NEUROD1: variants seen among roughly 807,000 people sequenced by gnomAD.
NEUROD1 encodes neuronal differentiation 1.
In NEUROD1, 9 loss-of-function variants were observed where a neutral mutation model predicts 21.8. The observed-to-expected ratio is 0.41, with a 90% CI of 0.25 to 0.72. The LOEUF is 0.72. NEUROD1 is among the 30% of genes least tolerant of loss of function. The pLI, the probability that NEUROD1 is intolerant of heterozygous loss-of-function variation, is 0.31. For missense variants in NEUROD1, 434 were observed against 468.8 expected (o/e 0.93, Z 0.69); for synonymous variants, 199 against 186.2 (o/e 1.07, Z -0.56).
downstream of NEUROD1, among the ~76,000 whole-genome samples, chr2:181,674,869 T>A (rs1330759147): frequency 6.6e-6 from 1 of 152,178 alleles, no homozygotes; most frequent in Non-Finnish European, 1.5e-5. Context: ...ACAGTCTAGA[T>A]TTCCCTGTTT....
In NEUROD1 at chr2:181,676,970, T is replaced by C. The variant is rs1688587130; in HGVS notation, c.*820A>G. 6.6e-6 allele frequency: 1 copy of C among 152,520 alleles called. No homozygotes were observed. The highest frequency in any genetic ancestry group is 1.5e-5 in the Non-Finnish European group (1 of 67,982). 9.4% of individuals were successfully genotyped at this position (152,520 alleles called of 1,614,324 possible). On this transcript the variant is annotated 3_prime_UTR_variant, in exon 2 of 2. Coordinates refer to ENST00000295108, the MANE Select transcript of NEUROD1 (RefSeq NM_002500.5). ...TATTTATAATATGTATATACAAGCT[T>C]GTGCAAGTAATGTGTTGAATTGATA...
At chr2:181,679,691 G>T (rs1456188664) in intron 1 of NEUROD1, among the ~76,000 whole-genome samples, 1 of 152,216 alleles carries the variant, frequency 6.6e-6, no homozygotes. Flanking sequence ...AGGGCCGCCC[G>T]CTCTTTATTG....
At chr2:181,674,234 T>C (rs1007335276), downstream of NEUROD1, among the ~76,000 whole-genome samples, 19 of 152,174 alleles carry the variant, frequency 1.2e-4, no homozygotes, top group African/African-American at 4.6e-4. Context: ...AAGCATCTTA[T>C]TTGATAGGAA....
At chr2:181,670,512 A>G (rs953952464) in exon 2 of NEUROD1, among the ~76,000 whole-genome samples, 10 of 152,182 alleles carry the variant, frequency 6.6e-5, no homozygotes, top group African/African-American at 2.2e-4. Context: ...TTCATTAGAG[A>G]TTTTAGTATA....
downstream of NEUROD1, among the ~76,000 whole-genome samples, chr2:181,675,807 T>C (rs536558660): frequency 6.6e-6 from 1 of 152,292 alleles, no homozygotes; most frequent in East Asian, 1.9e-4. Flanking sequence ...TGTTCTTCAG[T>C]ACAAATAATC....
rs1188165118 is a variant in NEUROD1, at chr2:181,676,854, A to G, written c.*936T>C. On this transcript the variant is annotated 3_prime_UTR_variant, in exon 2 of 2. Transcript: ENST00000295108. ...CTTCAGATTCTCTGTAAAATCATGG[A>G]ATGCAAAGGAGTAAAAGACTAAAAA... is the stretch of plus-strand genomic sequence containing the variant. 1.3e-5 allele frequency: 2 copies of G among 152,590 alleles called. No homozygotes were observed. The highest frequency in any genetic ancestry group is 2.9e-5 in the Non-Finnish European group (2 of 68,000). 9.5% of individuals were successfully genotyped at this position (152,590 alleles called of 1,614,324 possible).
chr2:181,676,037 T>C (rs1036334117), downstream of NEUROD1, among the ~76,000 whole-genome samples: 1 of 152,198 alleles, frequency 6.6e-6, no homozygotes, highest in African/African-American at 2.4e-5. Context: ...AAAATAGTAA[T>C]GTTTTATACA....
chr2:181,671,337 T>A (rs1688495370), exon 2 of NEUROD1, among the ~76,000 whole-genome samples: 1 of 152,162 alleles, frequency 6.6e-6, no homozygotes, highest in Admixed American at 6.6e-5. Flanking sequence ...TTAGTTATAA[T>A]TTATATCCAT....
downstream of NEUROD1, among the ~76,000 whole-genome samples, chr2:181,675,203 A>C (rs1232589409): frequency 1.3e-5 from 2 of 152,244 alleles, no homozygotes; most frequent in Non-Finnish European, 2.9e-5. Flanking sequence ...TAAAGTTGGG[A>C]CTAACTTAAA....
chr2:181,678,187 C>T lies in NEUROD1; in HGVS notation c.674G>A (p.Gly225Glu). 1.2e-6 allele frequency: 2 copies of T among 1,614,038 alleles called. No homozygotes were observed. Among genetic ancestry groups the T allele is most frequent in the Non-Finnish European group, 1.7e-6 (2 of 1,180,002 alleles). The stretch of plus-strand genomic sequence containing the variant: ...GGTACCGTAAGGCGGACTGGGCAGC[C>T]CAGGCGACTGGTAGGAGTAGGGGTG... Reference protein sequence around the residue: ...PVHPYSYQSPGLPSPPYGTMD... With the variant: ...PVHPYSYQSPELPSPPYGTMD... Residue 225 changes from glycine to glutamate, a missense_variant, in exon 2 of 2, where the codon GGG (glycine) becomes GAG (glutamate). Transcript: ENST00000295108. The surrounding 1 kb of genome is among the most constrained non-coding windows in gnomAD (Gnocchi z 5.5).
chr2:181,668,396 T>G (rs1297522301), downstream of NEUROD1, among the ~76,000 whole-genome samples: 1 of 152,130 alleles, frequency 6.6e-6, no homozygotes, highest in Non-Finnish European at 1.5e-5. Flanking sequence ...CAGAATAATT[T>G]TCCAGCCAGA....
chr2:181,676,399 C>T (rs960632003), downstream of NEUROD1: 5 of 152,456 alleles, frequency 3.3e-5, no homozygotes. Context: ...TTTAACTCAG[C>T]AAAAAAGCAA....
downstream of NEUROD1, among the ~76,000 whole-genome samples, chr2:181,668,550 G>A (rs1012974955): frequency 5.3e-5 from 8 of 152,072 alleles, 1 homozygote; most frequent in South Asian, 4.1e-4. Context: ...CTACAAGTTC[G>A]TTAGGTATTT....
chr2:181,678,179 T>G lies in NEUROD1; in HGVS notation c.682A>C (p.Ser228Arg), dbSNP rs1233860238. The G allele has an allele frequency of 6.2e-7, 1 of 1,613,992 alleles. No homozygotes were observed. ...CTGTCCATGGTACCGTAAGGCGGAC[T>G]GGGCAGCCCAGGCGACTGGTAGGAG... ...PYSYQSPGLP[S>R]PPYGTMDSSH... Residue 228 changes from serine to arginine, a missense_variant, in exon 2 of 2, where the codon AGT (serine) becomes CGT (arginine). Ser to Arg is a moderately radical substitution (Grantham distance 110, BLOSUM62 -1). Coordinates refer to ENST00000295108, the MANE Select transcript of NEUROD1 (RefSeq NM_002500.5). This position sits in a 1 kb window ranked among gnomAD's most constrained non-coding sequence, Gnocchi z 5.5.
exon 2 of NEUROD1, among the ~76,000 whole-genome samples, chr2:181,671,306 G>A (rs1688495021): frequency 6.6e-6 from 1 of 152,034 alleles, no homozygotes; most frequent in Non-Finnish European, 1.5e-5. Flanking sequence ...GAAATATTGT[G>A]ATAAATATCA....
rs764837612 is a variant in NEUROD1 at position 181,678,250 on chromosome 2, G to A, written c.611C>T (p.Pro204Leu). ...TFLPEQNQDM[P>L]PHLPTASASF... ...AGCGCTGGCCGTCGGCAGGTGGGGG[G>A]GCATGTCCTGGTTCTGCTCAGGCAG... The change falls in exon 2 of 2, where the codon CCC becomes CTC. Residue 204 changes from proline to leucine, a missense_variant. Coordinates refer to ENST00000295108, the MANE Select transcript of NEUROD1 (RefSeq NM_002500.5). The surrounding 1 kb of genome is among the most constrained non-coding windows in gnomAD (Gnocchi z 5.5). The A allele has an allele frequency of 6.2e-7, 1 of 1,614,152 alleles. No individual in the cohort carries two copies. The highest frequency in any genetic ancestry group is 8.5e-7 in the Non-Finnish European group (1 of 1,180,030).
chr2:181,672,789 T>C (rs929119746), downstream of NEUROD1, among the ~76,000 whole-genome samples: 3 of 152,220 alleles, frequency 2.0e-5, no homozygotes, highest in Non-Finnish European at 2.9e-5. Context: ...GAGGGTGCTT[T>C]GATGATGAAA....
At chr2:181,680,084 T>C (rs1421988179) in intron 1 of NEUROD1, among the ~76,000 whole-genome samples, 2 of 152,208 alleles carry the variant, frequency 1.3e-5, no homozygotes, top group African/African-American at 4.8e-5. Context: ...TTTTTTTTTC[T>C]TACTGTAAGA....
downstream of NEUROD1, among the ~76,000 whole-genome samples, chr2:181,673,960 G>A (rs1204695225): frequency 1.3e-5 from 2 of 151,914 alleles, no homozygotes; most frequent in African/African-American, 2.4e-5. Context: ...CCTAAAATTA[G>A]TAGAACACTC....
Sources: gnomAD v4.1 joint callset for allele counts (sites outside exome capture counted in the v4.1 genomes callset) on GRCh38, gnomAD v4.1.1 for gene constraint, Gnocchi (gnomAD v3.1) non-coding constraint, MANE v1.5 for transcripts, NCBI Gene and HGNC (gene_info 2026-07-23, HGNC 2026-07-21) for gene names.